DNAJC16: variants seen among roughly 807,000 people sequenced by gnomAD.
The protein encoded by DNAJC16 is dnaJ homolog subfamily C member 16.
DNAJC16 carries 76 observed loss-of-function variants against 92.7 expected under a neutral mutation model. The observed-to-expected ratio is 0.82, with a 90% CI of 0.68 to 0.99. The LOEUF is 0.99. Among genes scored for constraint, DNAJC16 ranks in the 50% least tolerant of loss-of-function variants. The pLI is 0.00. For missense variants in DNAJC16, 869 were observed against 942.4 expected, an observed-to-expected ratio of 0.92 and a Z score of 1.02; for synonymous variants, 328 against 358.7, an observed-to-expected ratio of 0.91 and a Z score of 0.97.
At chr1:15,551,982 G>T (rs2103417996) in intron 7 of DNAJC16, among the ~76,000 whole-genome samples, 1 of 151,226 alleles carries the variant, frequency 6.6e-6, no homozygotes. Context: ...AGTGAGCCAA[G>T]ATTGTTTCAC....
At chr1:15,546,744 T>G (rs928347411) in intron 5 of DNAJC16, 23 bp from the exon 6 acceptor site, 31 of 1,554,928 alleles carry the variant, frequency 2.0e-5, no homozygotes, top group Non-Finnish European at 2.7e-5. Flanking sequence ...ATATTGAGAC[T>G]AACATTCTAT....
At chr1:15,541,884 G>A (rs986407936) in intron 4 of DNAJC16, among the ~76,000 whole-genome samples, 4 of 152,144 alleles carry the variant, frequency 2.6e-5, no homozygotes, top group African/African-American at 9.7e-5. Flanking sequence ...ATCAATAGGG[G>A]TGCTAAGATA....
Position 15,568,619 on chromosome 1 carries a change from C to T in DNAJC16, c.*442C>T, listed in dbSNP as rs139714653. On this transcript the variant is annotated 3_prime_UTR_variant, in exon 15 of 15. Transcript: ENST00000375847. ...CGGCCCTGCTGTGCTGCTGCCATGG[C>T]GCATGCTCCTAACTCTGAACAACCC... 4 of 405,066 alleles carry T rather than the reference C, an allele frequency of 9.9e-6. No individual in the cohort carries two copies. Among genetic ancestry groups the T allele is most frequent in the African/African-American group, 2.0e-5 (1 of 48,798 alleles). The allele number at this position is 405,066 out of a possible 1,614,324, so 25.1% of individuals were successfully genotyped here.
At chr1:15,567,715 A>G in intron 14 of DNAJC16, 63 bp from the exon 15 acceptor site, 1 of 1,509,384 alleles carries the variant, frequency 6.6e-7, no homozygotes, top group Non-Finnish European at 8.9e-7. Context: ...TGGGGTATTT[A>G]TTTTCTCAGC....
At chr1:15,532,669 GTT>G (rs1001137884) in intron 2 of DNAJC16, among the ~76,000 whole-genome samples, 1 of 151,102 alleles carries the variant, frequency 6.6e-6, no homozygotes, top group African/African-American at 2.4e-5. Flanking sequence ...CAGCCTGATG[GTT>G]TGGTTGATGG....
At chr1:15,552,016 G>A (rs1638454656) in intron 7 of DNAJC16, among the ~76,000 whole-genome samples, 1 of 148,098 alleles carries the variant, frequency 6.8e-6, no homozygotes, top group African/African-American at 2.5e-5. Context: ...GGGTGAGAAT[G>A]AGACTCTGTC....
intron 14 of DNAJC16, 105 bp from the exon 15 acceptor site, chr1:15,567,673 A>C: frequency 3.1e-6 from 4 of 1,280,292 alleles, no homozygotes; most frequent in Non-Finnish European, 4.3e-6. Flanking sequence ...CCCATCCAAC[A>C]CAAAGCGTTT....
At chr1:15,555,138 G>A (rs1638538469) in intron 7 of DNAJC16, among the ~76,000 whole-genome samples, 1 of 151,320 alleles carries the variant, frequency 6.6e-6, no homozygotes, top group Non-Finnish European at 1.5e-5. Flanking sequence ...TACTTTTGGA[G>A]GCCGAGGCAG....
intron 2 of DNAJC16, among the ~76,000 whole-genome samples, chr1:15,530,485 G>A (rs1710629446): frequency 6.6e-6 from 1 of 152,218 alleles, no homozygotes; most frequent in African/African-American, 2.4e-5. Context: ...CAAAGAAGCA[G>A]AAGTGTTGGA....
chr1:15,547,421 C>T (rs901846684), intron 6 of DNAJC16, among the ~76,000 whole-genome samples: 1 of 149,002 alleles, frequency 6.7e-6, no homozygotes. Flanking sequence ...GCTGGGATTA[C>T]AGGCATGAGC....
chr1:15,536,072 C>CT (rs758451008), intron 3 of DNAJC16, among the ~76,000 whole-genome samples: 35,889 of 83,380 alleles, frequency 0.43, 6,751 homozygotes, highest in East Asian at 0.59. Flanking sequence ...CTTTTCTTTT[C>CT]TTTTTTTTTT....
intron 9 of DNAJC16, 99 bp downstream of exon 9, chr1:15,562,424 G>A (rs1638712175): frequency 2.4e-6 from 3 of 1,232,500 alleles, no homozygotes; most frequent in Non-Finnish European, 3.3e-6. Flanking sequence ...CAGATTCTAG[G>A]AAATCTGAAA....
intron 7 of DNAJC16, among the ~76,000 whole-genome samples, chr1:15,550,154 C>T (rs143872552): frequency 5.3e-5 from 8 of 152,152 alleles, no homozygotes; most frequent in South Asian, 4.2e-4. Context: ...CTGATGGAGA[C>T]GAGAAGGTGC....
At position 15,526,853 on chromosome 1, in the gene DNAJC16, T is replaced by C. The variant is rs1009483752; in HGVS notation, c.-124T>C. 1 of 152,360 alleles carries C rather than the reference T, an allele frequency of 6.6e-6. No individual in the cohort carries two copies. The highest frequency in any genetic ancestry group is 1.5e-5 in the Non-Finnish European group (1 of 68,168). The allele number at this position is 152,360 out of a possible 1,614,324, so 9.4% of individuals were successfully genotyped here. A position where few individuals can be genotyped will look rare whatever the true frequency, so the allele number is the denominator to read the frequency against. On this transcript the variant is annotated 5_prime_UTR_variant, in exon 1 of 15. Transcript: ENST00000375847. ...CCCCTCGGGCTTGTCCCCTCCTCTTTCCCCTCCCCAGGCCCAGGCGAGCGC... is the reference window on the plus strand; with the variant it reads ...CCCCTCGGGCTTGTCCCCTCCTCTTCCCCCTCCCCAGGCCCAGGCGAGCGC...
At chr1:15,533,042 G>C (rs1404735982) in intron 2 of DNAJC16, among the ~76,000 whole-genome samples, 1 of 152,092 alleles carries the variant, frequency 6.6e-6, no homozygotes, top group African/African-American at 2.4e-5. Context: ...ACCTATGTCA[G>C]AGGAAATTTA....
At chr1:15,546,717 C>T in intron 5 of DNAJC16, 50 bp from the exon 6 acceptor site, 1 of 1,427,384 alleles carries the variant, frequency 7.0e-7, no homozygotes, top group Non-Finnish European at 9.8e-7. Flanking sequence ...GAGTATAATA[C>T]AATTGTTAAG....
chr1:15,556,197 T>C (rs1638567497), intron 7 of DNAJC16, among the ~76,000 whole-genome samples: 1 of 150,136 alleles, frequency 6.7e-6, no homozygotes, highest in Non-Finnish European at 1.5e-5. Context: ...TTCTGTTTGC[T>C]GGTATAAGTA....
Position 15,570,940 on chromosome 1 carries a change from G to C in DNAJC16, c.*2763G>C, listed in dbSNP as rs1427893468. On this transcript the variant is annotated 3_prime_UTR_variant, in exon 15 of 15. Coordinates refer to ENST00000375847, the MANE Select transcript of DNAJC16 (RefSeq NM_015291.4). ...GAGATGGGTTCTTCTGGTTGATACA[G>C]ACTATGCATTGCGTTTAGCAGATGG... 6.6e-6 allele frequency: 1 copy of C among 151,782 alleles called. No homozygotes were observed. The highest frequency in any genetic ancestry group is 1.5e-5 in the Non-Finnish European group (1 of 68,022). 9.4% of individuals were successfully genotyped at this position (151,782 alleles called of 1,614,324 possible). A position where few individuals can be genotyped will look rare whatever the true frequency, so the allele number is the denominator to read the frequency against.
rs200311129 is a variant in DNAJC16, at chr1:15,529,169, A to C, written c.64A>C (p.Ile22Leu). The C allele has an allele frequency of 5.6e-6, 9 of 1,613,960 alleles. No individual in the cohort carries two copies. Residue 22 changes from isoleucine to leucine, a missense_variant, in exon 2 of 15, where the codon ATT becomes CTT. Ile to Leu is a conservative substitution (Grantham distance 5). Transcript: ENST00000375847. ...FLIVLVLILQ[I>L]LSALDFDPYR... ...GATAGTTCTGGTTCTGATCCTGCAAATTCTGTCTGCGTTGGATTTTGACCC... is the reference window on the plus strand; with the variant it reads ...GATAGTTCTGGTTCTGATCCTGCAACTTCTGTCTGCGTTGGATTTTGACCC...
Sources: gnomAD v4.1 joint callset for allele counts (sites outside exome capture counted in the v4.1 genomes callset) on GRCh38, gnomAD v4.1.1 for gene constraint, MANE v1.5 for transcripts, NCBI Gene and HGNC (gene_info 2026-07-23, HGNC 2026-07-21) for gene names.